Variants in TSHZ3 observed in about 807,000 individuals in gnomAD.
The protein encoded by TSHZ3 is teashirt zinc finger homeobox 3, also known as teashirt homolog 3.
A neutral mutation model predicts 64.5 loss-of-function variants in TSHZ3; 10 were observed. The ratio of observed to expected loss-of-function variants is 0.16; its 90% CI spans 0.10 to 0.26. TSHZ3 has a LOEUF of 0.26. Among genes scored for constraint, TSHZ3 ranks in the 10% least tolerant of loss-of-function variants. The probability of loss-of-function intolerance (pLI) is 1.00; values close to 1 mark genes in which losing one functional copy is unlikely to be tolerated. For missense variants in TSHZ3, 1,242 were observed against 1,421.7 expected (o/e 0.87, Z 2.03); for synonymous variants, 608 against 593.1 (o/e 1.03, Z -0.36).
intron 1 of TSHZ3, among the ~76,000 whole-genome samples, chr19:31,344,647 T>G (rs1186246421): frequency 6.6e-6 from 1 of 152,168 alleles, no homozygotes; most frequent in Non-Finnish European, 1.5e-5. Context: ...GCAGGACACG[T>G]GTAAAAGAGA....
intron 5 of TSHZ3, among the ~76,000 whole-genome samples, chr19:31,172,883 AC>A (rs1349347610): frequency 6.6e-6 from 1 of 152,164 alleles, no homozygotes; most frequent in Admixed American, 6.5e-5. Flanking sequence ...AGTGGGCCTG[AC>A]CTGTTCCTGG....
chr19:31,343,637 T>C (rs1009310106), intron 1 of TSHZ3, among the ~76,000 whole-genome samples: 14 of 152,104 alleles, frequency 9.2e-5, no homozygotes, highest in Non-Finnish European at 1.3e-4. Flanking sequence ...TTTTTTTTAC[T>C]TCCAAAAATG....
chr19:31,279,484 C>G lies in TSHZ3; in HGVS notation c.309G>C (p.Thr103=). ...ACACAGTCGTGTCTTCCAGTGGGAC[C>G]GTGACCTCCTTGGTCTCCTCTTCGT... ...IKNEEETKEV[T]VPLEDTTVSD... Residue 103 remains threonine, a synonymous_variant, in exon 2 of 2, where the codon ACG becomes ACC. Coordinates refer to ENST00000240587, the MANE Select transcript of TSHZ3 (RefSeq NM_020856.4). This position sits in a 1 kb window ranked among gnomAD's most constrained non-coding sequence, Gnocchi z 6.4. 1 of 1,614,146 alleles carries G rather than the reference C, an allele frequency of 6.2e-7. No individual in the cohort carries two copies.
intron 5 of TSHZ3, among the ~76,000 whole-genome samples, chr19:31,163,384 G>C (rs1459446777): frequency 3.3e-5 from 5 of 152,170 alleles, no homozygotes; most frequent in African/African-American, 1.2e-4. Flanking sequence ...GTGGAGAATA[G>C]AGAGGCATGA....
chr19:31,214,826 T>G (rs1321337651), intron 4 of TSHZ3, among the ~76,000 whole-genome samples: 2 of 145,550 alleles, frequency 1.4e-5, no homozygotes, highest in African/African-American at 5.1e-5. Context: ...GAGAATGGCG[T>G]GAACCCGGGA....
At chr19:31,151,348 GA>G (rs1055072775) in exon 7 of TSHZ3, among the ~76,000 whole-genome samples, 3 of 150,880 alleles carry the variant, frequency 2.0e-5, no homozygotes, top group Admixed American at 6.6e-5. Context: ...ACAATATCCA[GA>G]AAAAAAAATC....
chr19:31,276,269 G>A lies in TSHZ3; in HGVS notation c.*278C>T, dbSNP rs1976230148. On this transcript the variant is annotated 3_prime_UTR_variant, in exon 2 of 2. Transcript: ENST00000240587. ...ATTAAACTGTCTGTTAATGCATGCA[G>A]CTTGAAGCATCGGGAGGATGCTCAC... The A allele has an allele frequency of 3.2e-6, 1 of 308,522 alleles. No individual in the cohort carries two copies. The highest frequency in any genetic ancestry group is 2.1e-5 in the African/African-American group (1 of 46,624). 19.1% of individuals were successfully genotyped at this position (308,522 alleles called of 1,614,324 possible).
chr19:31,277,200 G>T lies in TSHZ3; in HGVS notation c.2593C>A (p.Pro865Thr), dbSNP rs1224933200. The T allele has an allele frequency of 1.5e-5, 24 of 1,614,098 alleles. No homozygotes were observed. The highest frequency in any genetic ancestry group is 1.9e-5 in the Non-Finnish European group (23 of 1,180,046). The change falls in exon 2 of 2, where the codon CCT becomes ACT. Residue 865 changes from proline to threonine, a missense_variant. Pro to Thr is a conservative substitution (Grantham distance 38). This residue lies in a region of TSHZ3 where 550 missense variants were observed against 545.1 expected (regional missense o/e 1.01). Transcript: ENST00000240587. The surrounding 1 kb of genome is among the most constrained non-coding windows in gnomAD (Gnocchi z 4.5). ...TCAGACTTCTCGGAGATGCTGGAAG[G>T]AGTGGAGGATTTTGACGTGTGGCTC... ...TESHTSKSST[P>T]SSISEKSDID...
At chr19:31,176,802 C>T (rs999343253) in intron 5 of TSHZ3, among the ~76,000 whole-genome samples, 2 of 151,908 alleles carry the variant, frequency 1.3e-5, no homozygotes, top group African/African-American at 4.8e-5. Context: ...AAAGGAAATA[C>T]TGAAAAACAA....
At chr19:31,346,645 T>A (rs959061504) in intron 1 of TSHZ3, among the ~76,000 whole-genome samples, 2 of 152,104 alleles carry the variant, frequency 1.3e-5, no homozygotes, top group African/African-American at 4.8e-5. Flanking sequence ...TTCCCCACTC[T>A]CTCTCTCTAT....
intron 5 of TSHZ3, among the ~76,000 whole-genome samples, chr19:31,174,553 A>T (rs1013944742): frequency 9.9e-5 from 15 of 152,076 alleles, no homozygotes; most frequent in African/African-American, 2.9e-4. Flanking sequence ...GAACCATCAC[A>T]CCTGGTGTGT....
intron 5 of TSHZ3, among the ~76,000 whole-genome samples, chr19:31,194,978 T>A (rs939274254): frequency 2.6e-5 from 4 of 152,014 alleles, no homozygotes; most frequent in Admixed American, 1.3e-4. Flanking sequence ...AAATTGGACA[T>A]GGCTGAAGAA....
At chr19:31,339,576 C>T (rs1290361463) in intron 1 of TSHZ3, among the ~76,000 whole-genome samples, 1 of 152,126 alleles carries the variant, frequency 6.6e-6, no homozygotes, top group East Asian at 1.9e-4. Context: ...TGATAAATGA[C>T]ATATGTCATT....
intron 1 of TSHZ3, among the ~76,000 whole-genome samples, chr19:31,253,541 T>TAAAATTAA (rs1387305035): frequency 1.3e-5 from 2 of 152,146 alleles, no homozygotes; most frequent in African/African-American, 4.8e-5. Flanking sequence ...TTTTTAATCT[T>TAAAATTAA]TGTAGAGATG....
At chr19:31,155,500 G>A (rs937976937) in intron 6 of TSHZ3, among the ~76,000 whole-genome samples, 17 of 152,144 alleles carry the variant, frequency 1.1e-4, no homozygotes, top group African/African-American at 3.4e-4. Flanking sequence ...ATATCTTTCC[G>A]CAGCCTGGGC....
chr19:31,257,649 C>G (rs1462199518), intron 1 of TSHZ3, among the ~76,000 whole-genome samples: 1 of 126,624 alleles, frequency 7.9e-6, no homozygotes, highest in African/African-American at 4.7e-5. Context: ...TTAAGATTGC[C>G]TGGCAGCACA....
intron 5 of TSHZ3, among the ~76,000 whole-genome samples, chr19:31,168,406 AG>A (rs1178445562): frequency 2.6e-5 from 4 of 152,212 alleles, no homozygotes; most frequent in African/African-American, 9.6e-5. Context: ...TGGGCCAAAA[AG>A]ACTTAGTTCT....
chr19:31,249,519 GCA>G (rs112187800), intron 1 of TSHZ3, among the ~76,000 whole-genome samples: 2 of 151,720 alleles, frequency 1.3e-5, no homozygotes, highest in Non-Finnish European at 2.9e-5. Context: ...ATGCGCGCCC[GCA>G]CACACACACA....
chr19:31,277,140 ACTC>A lies in TSHZ3; in HGVS notation c.2650_2652del (p.Glu884del). The A allele has an allele frequency of 1.9e-6, 3 of 1,606,138 alleles. No individual in the cohort carries two copies. Among genetic ancestry groups the A allele is most frequent in the Non-Finnish European group, 2.6e-6 (3 of 1,175,498 alleles). ...CCCTTCCTCTTCTGGGCGGGCGTCGACTCCTCAGCCTCCTCCAGAGTGGCCCCG... is the reference window on the plus strand; with the variant it reads ...CCCTTCCTCTTCTGGGCGGGCGTCGACTCAGCCTCCTCCAGAGTGGCCCCG... On this transcript the variant is annotated inframe_deletion, in exon 2 of 2. Coordinates refer to ENST00000240587, the MANE Select transcript of TSHZ3 (RefSeq NM_020856.4). This position sits in a 1 kb window ranked among gnomAD's most constrained non-coding sequence, Gnocchi z 4.5.
Sources: gnomAD v4.1 joint callset for allele counts (sites outside exome capture counted in the v4.1 genomes callset) on GRCh38, gnomAD v4.1.1 for gene constraint, gnomAD v4.1.1 regional missense constraint, Gnocchi (gnomAD v3.1) non-coding constraint, MANE v1.5 for transcripts, NCBI Gene and HGNC (gene_info 2026-07-23, HGNC 2026-07-21) for gene names.